Variants in IKZF3 observed in about 807,000 individuals in gnomAD.
IKZF3 encodes the protein zinc finger protein Aiolos.
A neutral mutation model predicts 49.0 loss-of-function variants in IKZF3; 10 were observed. The observed-to-expected ratio is 0.20, with a 90% CI of 0.13 to 0.35. The LOEUF (loss-of-function observed/expected upper bound fraction) is 0.35. Ranked by LOEUF, IKZF3 falls within the 10% of genes least tolerant of loss-of-function variation. The pLI, the probability that IKZF3 is intolerant of heterozygous loss-of-function variation, is 1.00. For missense variants in IKZF3, 498 were observed against 664.8 expected, an observed-to-expected ratio of 0.75 and a Z score of 2.76; for synonymous variants, 209 against 228.2, an observed-to-expected ratio of 0.92 and a Z score of 0.76.
At chr17:39,842,397 C>T (rs2062503462) in intron 1 of IKZF3, among the ~76,000 whole-genome samples, 2 of 152,194 alleles carry the variant, frequency 1.3e-5, no homozygotes, top group Admixed American at 6.5e-5. Flanking sequence ...GGCATGGTGG[C>T]GCATGCCTGT....
At chr17:39,778,850 G>C (rs892952036) in intron 6 of IKZF3, among the ~76,000 whole-genome samples, 2 of 152,160 alleles carry the variant, frequency 1.3e-5, no homozygotes, top group East Asian at 3.9e-4. Context: ...CTATGAATGT[G>C]GGCCCATCCA....
chr17:39,822,076 A>G (rs530833440), intron 3 of IKZF3, among the ~76,000 whole-genome samples: 1 of 152,350 alleles, frequency 6.6e-6, no homozygotes, highest in South Asian at 2.1e-4. Flanking sequence ...GGACCAGATA[A>G]GAGCCATTAT....
At chr17:39,805,435 G>C (rs1288843016) in intron 3 of IKZF3, among the ~76,000 whole-genome samples, 1 of 152,134 alleles carries the variant, frequency 6.6e-6, no homozygotes, top group Non-Finnish European at 1.5e-5. Flanking sequence ...AAGGATTCTT[G>C]GATGAGAAGG....
intron 1 of IKZF3, chr17:39,835,543 C>G: frequency 2.3e-6 from 1 of 434,320 alleles, no homozygotes; most frequent in Admixed American, 2.7e-5. Context: ...GTCTGCAGCT[C>G]CTCATACTTG....
At chr17:39,853,447 C>T (rs1386149395) in intron 1 of IKZF3, among the ~76,000 whole-genome samples, 1 of 151,922 alleles carries the variant, frequency 6.6e-6, no homozygotes, top group African/African-American at 2.4e-5. Flanking sequence ...TGAAGATGAC[C>T]CACCACTGAT....
intron 1 of IKZF3, among the ~76,000 whole-genome samples, chr17:39,862,216 CATAG>C (rs2041539451): frequency 6.6e-6 from 1 of 152,102 alleles, no homozygotes; most frequent in Non-Finnish European, 1.5e-5. Flanking sequence ...CATCTTCATA[CATAG>C]AAAGTCTCAA....
At chr17:39,777,330 C>T (rs1181819728) in intron 7 of IKZF3, among the ~76,000 whole-genome samples, 1 of 152,186 alleles carries the variant, frequency 6.6e-6, no homozygotes, top group Admixed American at 6.5e-5. Context: ...GAACATCTTA[C>T]TGGTATAAAT....
At chr17:39,809,184 C>T (rs2061497353) in intron 3 of IKZF3, among the ~76,000 whole-genome samples, 1 of 152,156 alleles carries the variant, frequency 6.6e-6, no homozygotes, top group Non-Finnish European at 1.5e-5. Context: ...AGGGTAAGGT[C>T]ACAAATTATT....
At chr17:39,863,870 A>G (rs1395148314) in intron 1 of IKZF3, among the ~76,000 whole-genome samples, 3 of 151,900 alleles carry the variant, frequency 2.0e-5, no homozygotes, top group Non-Finnish European at 4.4e-5. Flanking sequence ...TGTAGGGTAG[A>G]CCCCCCATGT....
intron 1 of IKZF3, among the ~76,000 whole-genome samples, chr17:39,863,243 T>C (rs904269886): frequency 2.0e-5 from 3 of 152,196 alleles, no homozygotes; most frequent in Non-Finnish European, 4.4e-5. Context: ...TTAACAACTT[T>C]ATATACTCTA....
In IKZF3 at chr17:39,778,436, C is replaced by T. The variant is rs1425300635; in HGVS notation, c.710-669G>A. On this transcript the variant is annotated intron_variant, in intron 6 of 7. Transcript: ENST00000346872. ...TCTCAATTAAAATTTCCCTAAGCAACACTTCTGCCTTGAAATTAAAGAACA... is the reference window on the plus strand; with the variant it reads ...TCTCAATTAAAATTTCCCTAAGCAATACTTCTGCCTTGAAATTAAAGAACA... 2.0e-5 allele frequency among the ~76,000 whole-genome samples: 3 copies of T among 152,056 alleles called. No homozygotes were observed. The East Asian group carries it at 5.8e-4, about 29-fold the overall frequency.
At chr17:39,819,554 G>A (rs1203840292) in intron 3 of IKZF3, among the ~76,000 whole-genome samples, 4 of 152,174 alleles carry the variant, frequency 2.6e-5, no homozygotes, top group Non-Finnish European at 5.9e-5. Context: ...TTAATGTATA[G>A]CTCAGTACAG....
intron 2 of IKZF3, among the ~76,000 whole-genome samples, chr17:39,831,654 G>A (rs2062112119): frequency 6.6e-6 from 1 of 152,120 alleles, no homozygotes; most frequent in Non-Finnish European, 1.5e-5. Flanking sequence ...CATTTTTTAA[G>A]GGTTGTAAGA....
At chr17:39,824,241 T>C (rs1159529235) in intron 3 of IKZF3, among the ~76,000 whole-genome samples, 1 of 152,230 alleles carries the variant, frequency 6.6e-6, no homozygotes, top group Admixed American at 6.5e-5. Flanking sequence ...CGGACTTGCA[T>C]GGGGCTTGTA....
intron 1 of IKZF3, among the ~76,000 whole-genome samples, chr17:39,848,594 G>C: frequency 6.6e-6 from 1 of 152,128 alleles, no homozygotes; most frequent in East Asian, 1.9e-4. Flanking sequence ...TTTGAAGTGG[G>C]TAACAGAGCT....
At chr17:39,841,390 A>G (rs1242443449) in intron 1 of IKZF3, among the ~76,000 whole-genome samples, 1 of 152,100 alleles carries the variant, frequency 6.6e-6, no homozygotes, top group Non-Finnish European at 1.5e-5. Context: ...TGCCAGGAGT[A>G]GTCCAGTGCA....
intron 1 of IKZF3, among the ~76,000 whole-genome samples, chr17:39,850,428 T>C (rs1276705886): frequency 2.3e-5 from 3 of 132,414 alleles, no homozygotes; most frequent in East Asian, 2.1e-4. Context: ...ATATTGTATG[T>C]ATATATAATA....
intron 7 of IKZF3, among the ~76,000 whole-genome samples, chr17:39,769,702 C>T (rs1323183668): frequency 6.6e-6 from 1 of 152,084 alleles, no homozygotes; most frequent in Non-Finnish European, 1.5e-5. Flanking sequence ...ATTCATCTCC[C>T]TAAATACCAG....
intron 1 of IKZF3, among the ~76,000 whole-genome samples, chr17:39,850,106 A>C (rs1229390048): frequency 7.0e-6 from 1 of 142,482 alleles, no homozygotes; most frequent in Non-Finnish European, 1.5e-5. Flanking sequence ...CATATTATAT[A>C]TGTATATATA....
Sources: gnomAD v4.1 joint callset for allele counts (sites outside exome capture counted in the v4.1 genomes callset) on GRCh38, gnomAD v4.1.1 for gene constraint, MANE v1.5 for transcripts, NCBI Gene and HGNC (gene_info 2026-07-23, HGNC 2026-07-21) for gene names.